ACSS2: variants seen among roughly 807,000 people sequenced by gnomAD.
ACSS2 encodes acyl-CoA synthetase short chain family member 2, also known as acetyl-coenzyme A synthetase, cytoplasmic.
In ACSS2, 58 loss-of-function variants were observed where a neutral mutation model predicts 90.6. The observed-to-expected ratio is 0.64, with a 90% CI of 0.52 to 0.80. ACSS2 has a LOEUF of 0.80. ACSS2 is among the 30% of genes least tolerant of loss of function. The probability of loss-of-function intolerance (pLI) is 0.00; values close to 1 mark genes in which losing one functional copy is unlikely to be tolerated. For missense variants in ACSS2, 759 were observed against 912.0 expected, an observed-to-expected ratio of 0.83 and a Z score of 2.16; for synonymous variants, 300 against 330.9, an observed-to-expected ratio of 0.91 and a Z score of 1.01.
In ACSS2 at chr20:34,913,855, A is replaced by AC. The variant is rs765550605; in HGVS notation, c.643+36dup. The AC allele has an allele frequency of 2.5e-6, 4 of 1,598,310 alleles. No homozygotes were observed. In the African/African-American group the frequency reaches 4.0e-5, roughly 16 times the overall value. On this transcript the variant is annotated intron_variant, in intron 5 of 17. Coordinates refer to ENST00000360596, the MANE Select transcript of ACSS2 (RefSeq NM_018677.4). ...CTAATTCTCTCACCTCTTCTCCAGA[A>AC]CCCCCCATACCTCAAGCCTTGGTCT... is the stretch of plus-strand genomic sequence containing the variant.
chr20:34,923,469 A>T (rs766154841), intron 14 of ACSS2, 38 bp downstream of exon 14: 1 of 1,435,406 alleles, frequency 7.0e-7, no homozygotes, highest in East Asian at 2.3e-5. Flanking sequence ...CCTCCCACTA[A>T]GACATGTACC....
rs1052071957 is a variant in ACSS2 at position 34,889,338 on chromosome 20, G to A, written c.374+6349G>A. ...GGGGTTTCACCATTTTAGCCAGGATGGTCTCTATCTCTTGACCTCGTGATC... is the reference window on the plus strand; with the variant it reads ...GGGGTTTCACCATTTTAGCCAGGATAGTCTCTATCTCTTGACCTCGTGATC... On this transcript the variant is annotated intron_variant, in intron 2 of 17. Transcript: ENST00000360596. 5.9e-5 allele frequency among the ~76,000 whole-genome samples: 9 copies of A among 152,056 alleles called. No homozygotes were observed. In the South Asian group the frequency reaches 1.7e-3, roughly 28 times the overall value.
At chr20:34,878,545 A>G (rs546853466) in intron 1 of ACSS2, among the ~76,000 whole-genome samples, 119 of 152,348 alleles carry the variant, frequency 7.8e-4, no homozygotes, top group Non-Finnish European at 1.6e-3. Context: ...AATATAAATC[A>G]AGCAATTACC....
At chr20:34,912,779 A>C (rs915987140) in intron 2 of ACSS2, among the ~76,000 whole-genome samples, 7 of 152,228 alleles carry the variant, frequency 4.6e-5, no homozygotes, top group African/African-American at 1.4e-4. Context: ...AAGGAATCAC[A>C]TCTGTGATTT....
chr20:34,908,526 C>T (rs2080864952), intron 2 of ACSS2, among the ~76,000 whole-genome samples: 1 of 152,160 alleles, frequency 6.6e-6, no homozygotes, highest in South Asian at 2.1e-4. Context: ...CCAGGACCAT[C>T]TTATTTAAAG....
chr20:34,908,914 T>A (rs978524282), intron 2 of ACSS2: 1 of 443,780 alleles, frequency 2.3e-6, no homozygotes, highest in Admixed American at 2.5e-5. Context: ...GGTCCACTTC[T>A]GGTAATTCAT....
chr20:34,906,760 A>C (rs1281003549), intron 2 of ACSS2, among the ~76,000 whole-genome samples: 2 of 152,080 alleles, frequency 1.3e-5, no homozygotes, highest in African/African-American at 4.8e-5. Context: ...AGGCAGGCGG[A>C]TCACCTGAGG....
At chr20:34,919,401 G>A in intron 7 of ACSS2, 34 bp from the exon 8 acceptor site, 1 of 1,612,428 alleles carries the variant, frequency 6.2e-7, no homozygotes, top group South Asian at 1.1e-5. Flanking sequence ...CCCATCTTGA[G>A]CTGTTCACAG....
At position 34,921,399 on chromosome 20, in the gene ACSS2, G is replaced by T; in HGVS notation, c.1347G>T (p.Trp449Cys). The change falls in exon 11 of 18, where the codon TGG becomes TGT. Residue 449 changes from tryptophan to cysteine, a missense_variant. Transcript: ENST00000360596. ...GEPINPEAWL[W>C]YHRVVGAQRC... ...CCATCAACCCTGAGGCCTGGCTATG[G>T]TACCACCGGGTGGTAGGTGCCCAGC... 1 of 1,614,230 alleles carries T rather than the reference G, an allele frequency of 6.2e-7. No individual in the cohort carries two copies.
chr20:34,913,953 C>T, intron 5 of ACSS2, 128 bp downstream of exon 5: 1 of 1,352,996 alleles, frequency 7.4e-7, no homozygotes, highest in Admixed American at 1.7e-5. Context: ...TCTCCTGGTC[C>T]CACCTCAGCT....
chr20:34,920,881 G>A (rs76985321), intron 9 of ACSS2, 125 bp from the exon 10 acceptor site: 3 of 1,516,418 alleles, frequency 2.0e-6, no homozygotes, highest in Admixed American at 3.6e-5. Context: ...ATCTTGGCTT[G>A]TCTGGCCAGG....
chr20:34,893,034 A>C (rs1439986486), intron 2 of ACSS2, among the ~76,000 whole-genome samples: 1 of 152,194 alleles, frequency 6.6e-6, no homozygotes, highest in Non-Finnish European at 1.5e-5. Flanking sequence ...CTATGGTCTG[A>C]CTTGAACAGG....
intron 1 of ACSS2, among the ~76,000 whole-genome samples, chr20:34,877,937 T>TAGATAGATAGAA: frequency 6.6e-6 from 1 of 150,696 alleles, no homozygotes; most frequent in Non-Finnish European, 1.5e-5. Context: ...GATAGATAGA[T>TAGATAGATAGAA]AGATAGTTTG....
At chr20:34,911,657 T>C (rs2080962929) in intron 2 of ACSS2, among the ~76,000 whole-genome samples, 1 of 152,130 alleles carries the variant, frequency 6.6e-6, no homozygotes, top group Admixed American at 6.5e-5. Context: ...TATTTCTCCC[T>C]AGTCACTCAT....
At chr20:34,924,700 G>GT (rs756672262) in intron 14 of ACSS2, among the ~76,000 whole-genome samples, 7 of 101,156 alleles carry the variant, frequency 6.9e-5, no homozygotes, top group African/African-American at 1.5e-4. Context: ...TGTTGTTGTT[G>GT]TTGTTTGTTT....
chr20:34,879,718 C>T lies in ACSS2; in HGVS notation c.178+2895C>T, dbSNP rs535355924. On this transcript the variant is annotated intron_variant, in intron 1 of 17. Coordinates refer to ENST00000360596, the MANE Select transcript of ACSS2 (RefSeq NM_018677.4). ...CTGCACTCCAGCCTGGGCGACACAG[C>T]GATACCCTGTCTCAAAACAAAAACA... Among the ~76,000 whole-genome samples, 15 of 152,204 alleles carry T rather than the reference C, an allele frequency of 9.9e-5. No homozygotes were observed. The South Asian group carries it at 1.0e-3, about 11-fold the overall frequency.
intron 2 of ACSS2, among the ~76,000 whole-genome samples, chr20:34,905,588 C>T (rs2080779785): frequency 6.6e-6 from 1 of 152,164 alleles, no homozygotes; most frequent in South Asian, 2.1e-4. Flanking sequence ...AAAATAGATT[C>T]CAGGCTGCTA....
At chr20:34,915,278 T>C in intron 7 of ACSS2, 2 of 1,613,858 alleles carry the variant, frequency 1.2e-6, no homozygotes, top group Non-Finnish European at 1.7e-6. Flanking sequence ...TGCACTGCCG[T>C]GGGCACCGCT....
Position 34,919,422 on chromosome 20 carries a change from C to T in ACSS2, c.835-13C>T. The T allele has an allele frequency of 1.2e-6, 2 of 1,613,690 alleles. No individual in the cohort carries two copies. Among genetic ancestry groups the T allele is most frequent in the Non-Finnish European group, 1.7e-6 (2 of 1,179,888 alleles). ...TTGAGCTGTTCACAGTTCTTCCCTGCCCATCCCTGCAGATCTCATGGAACC... is the reference window on the plus strand; with the variant it reads ...TTGAGCTGTTCACAGTTCTTCCCTGTCCATCCCTGCAGATCTCATGGAACC... On this transcript the variant is annotated splice_polypyrimidine_tract_variant and intron_variant, in intron 7 of 17. Coordinates refer to ENST00000360596, the MANE Select transcript of ACSS2 (RefSeq NM_018677.4).
Sources: allele counts gnomAD v4.1 joint callset (sites outside exome capture counted in the v4.1 genomes callset), GRCh38; gene constraint gnomAD v4.1.1; transcripts MANE v1.5; gene names NCBI Gene and HGNC (gene_info 2026-07-23, HGNC 2026-07-21).